The following NUP62 variants were observed in gnomAD, a reference collection of about 807,000 sequenced individuals.
NUP62 encodes the protein nuclear pore glycoprotein p62.
For synonymous variants in NUP62, 305 were observed against 303.4 expected, an observed-to-expected ratio of 1.01 and a Z score of -0.05; for missense variants, 647 against 689.4, an observed-to-expected ratio of 0.94 and a Z score of 0.69.
intron 2 of NUP62, among the ~76,000 whole-genome samples, chr19:49,920,452 C>T (rs1031610649): frequency 6.6e-6 from 1 of 152,172 alleles, no homozygotes; most frequent in African/African-American, 2.4e-5. Flanking sequence ...ACTCTGTCAA[C>T]GTACTAAAGC....
chr19:49,928,464 C>G (rs559448669), intron 1 of NUP62: 4 of 151,516 alleles, frequency 2.6e-5, no homozygotes, highest in African/African-American at 4.8e-5. Flanking sequence ...TTGCAGTGAG[C>G]CGAGATCGCG....
intron 2 of NUP62, among the ~76,000 whole-genome samples, chr19:49,924,182 GA>G: frequency 6.6e-6 from 1 of 152,318 alleles, no homozygotes; most frequent in Middle Eastern, 3.4e-3. Context: ...CAGCATGGTG[GA>G]GGCTGAGGTC....
chr19:49,926,599 A>G (rs968534207), intron 2 of NUP62, among the ~76,000 whole-genome samples: 2 of 152,208 alleles, frequency 1.3e-5, no homozygotes, highest in African/African-American at 2.4e-5. Flanking sequence ...GTAGGAAAAG[A>G]TTCTACCGGC....
chr19:49,916,472 T>C (rs923500378), intron 2 of NUP62, among the ~76,000 whole-genome samples: 1 of 150,198 alleles, frequency 6.7e-6, no homozygotes, highest in African/African-American at 2.5e-5. Flanking sequence ...TTTGTATCTC[T>C]ACTAAAAATA....
At position 49,909,313 on chromosome 19, in the gene NUP62, C is replaced by T. The variant is rs755550199; in HGVS notation, c.495G>A (p.Thr165=). 50 of 1,613,786 alleles carry T rather than the reference C, an allele frequency of 3.1e-5. No individual in the cohort carries two copies. Among genetic ancestry groups the T allele is most frequent in the Non-Finnish European group, 3.6e-5 (43 of 1,180,010 alleles). Residue 165 remains threonine (T), a synonymous_variant, in exon 3 of 3, where the codon ACG becomes ACA. Coordinates refer to ENST00000352066, the MANE Select transcript of NUP62 (RefSeq NM_016553.5). The part of the protein sequence containing the change: ...SGGFSFTGGS[T]AQPSGFNIGS... The stretch of plus-strand genomic sequence containing the variant: ...CAATGTTGAAACCGGAGGGTTGGGC[C>T]GTGCTTCCACCAGTGAATGAGAAGC...
rs1264187394 is a variant in NUP62 at position 49,909,215 on chromosome 19, G to T, written c.593C>A (p.Thr198Asn). The change falls in exon 3 of 3, where the codon ACC (threonine) becomes AAC (asparagine). Residue 198 changes from threonine (T) to asparagine (N), a missense_variant. Transcript: ENST00000352066. The part of the protein sequence containing the change: ...LPFTPATPAA[T>N]TAGATQPAAP... ...AGCTGGCTGTGTGGCACCTGCTGTG[G>T]TGGCTGCTGGCGTGGCCGGAGTGAA... 6.2e-7 allele frequency: 1 copy of T among 1,614,106 alleles called. No individual in the cohort carries two copies. Among genetic ancestry groups the T allele is most frequent in the African/African-American group, 1.3e-5 (1 of 75,046 alleles).
At chr19:49,924,029 T>C (rs1176916485) in intron 2 of NUP62, among the ~76,000 whole-genome samples, 2 of 152,062 alleles carry the variant, frequency 1.3e-5, no homozygotes, top group African/African-American at 4.8e-5. Flanking sequence ...GTTGCGGCAA[T>C]AGCAGGGCGA....
rs548441756 is a variant in NUP62 at position 49,909,155 on chromosome 19, C to T, written c.653G>A (p.Gly218Glu). 1.2e-6 allele frequency: 2 copies of T among 1,613,270 alleles called. No individual in the cohort carries two copies. Among genetic ancestry groups the T allele is most frequent in the Admixed American group, 1.7e-5 (1 of 60,000 alleles). ...PTPTATITSTGPSLFASIATA... is the reference protein window; with the variant it reads ...PTPTATITSTEPSLFASIATA... ...TGCTATTGACGCAAAGAGGCTGGGC[C>T]CAGTGCTGGTGATGGTGGCTGTGGG... The change falls in exon 3 of 3, where the codon GGG becomes GAG. Residue 218 changes from glycine (G) to glutamate (E), a missense_variant. Gly to Glu is a moderately conservative substitution (Grantham distance 98). Transcript: ENST00000352066.
rs2075334900 is a variant in NUP62 at position 49,906,988 on chromosome 19, C to T, written c.*1251G>A. 6.5e-6 allele frequency: 1 copy of T among 153,788 alleles called. No homozygotes were observed. Among genetic ancestry groups the T allele is most frequent in the African/African-American group, 2.4e-5 (1 of 41,452 alleles). 9.5% of individuals were successfully genotyped at this position (153,788 alleles called of 1,614,324 possible). ...TTTACTGTAACTGACTAGAGTTACTCTGGTGCCACTAAGTTCCGAGCCAAG... is the reference window on the plus strand; with the variant it reads ...TTTACTGTAACTGACTAGAGTTACTTTGGTGCCACTAAGTTCCGAGCCAAG... On this transcript the variant is annotated 3_prime_UTR_variant, in exon 3 of 3. Coordinates refer to ENST00000352066, the MANE Select transcript of NUP62 (RefSeq NM_016553.5).
chr19:49,914,192 G>C (rs56131457), intron 2 of NUP62, among the ~76,000 whole-genome samples: 1 of 152,202 alleles, frequency 6.6e-6, no homozygotes, highest in African/African-American at 2.4e-5. Flanking sequence ...TAGAACTTGG[G>C]AAGTTTCTCA....
At chr19:49,926,903 T>C (rs2075907065) in intron 2 of NUP62, among the ~76,000 whole-genome samples, 1 of 150,480 alleles carries the variant, frequency 6.6e-6, no homozygotes, top group African/African-American at 2.5e-5. Flanking sequence ...TCACCCAGGC[T>C]GCAGTGTGGT....
chr19:49,909,333 A>G lies in NUP62; in HGVS notation c.475T>C (p.Ser159Pro), dbSNP rs1241705265. Residue 159 changes from serine to proline, a missense_variant, in exon 3 of 3, where the codon TCA (serine) becomes CCA (proline). Physicochemically the swap from Ser to Pro is moderately conservative, Grantham distance 74 (BLOSUM62 -1). Coordinates refer to ENST00000352066, the MANE Select transcript of NUP62 (RefSeq NM_016553.5). Reference protein sequence around the residue: ...VAPATTSGGFSFTGGSTAQPS... With the variant: ...VAPATTSGGFPFTGGSTAQPS... Reference sequence around the variant, plus strand: ...TGGGCCGTGCTTCCACCAGTGAATGAGAAGCCTCCAGATGTGGTAGCTGGA... The same window carrying G: ...TGGGCCGTGCTTCCACCAGTGAATGGGAAGCCTCCAGATGTGGTAGCTGGA... 6.2e-7 allele frequency: 1 copy of G among 1,613,778 alleles called. No individual in the cohort carries two copies. Among genetic ancestry groups the G allele is most frequent in the Non-Finnish European group, 8.5e-7 (1 of 1,180,006 alleles).
chr19:49,914,667 C>CTCTACCAGGG (rs2075572227), intron 2 of NUP62, among the ~76,000 whole-genome samples: 2 of 149,742 alleles, frequency 1.3e-5, no homozygotes, highest in South Asian at 4.2e-4. Context: ...TCACCCCAGC[C>CTCTACCAGGG]TTCGGTCAGC....
chr19:49,924,887 C>A (rs948330172), intron 2 of NUP62, among the ~76,000 whole-genome samples: 1 of 152,166 alleles, frequency 6.6e-6, no homozygotes, highest in African/African-American at 2.4e-5. Flanking sequence ...GAAGCAGAGT[C>A]CCTGCCCAGA....
Position 49,921,980 on chromosome 19 carries a change from CCCAGG to C in NUP62, c.-78+5709_-78+5713del, listed in dbSNP as rs527802719. Among the ~76,000 whole-genome samples, 51 of 152,310 alleles carry C rather than the reference CCCAGG, an allele frequency of 3.3e-4. No individual in the cohort carries two copies. The highest frequency in any genetic ancestry group is 1.2e-3 in the South Asian group (6 of 4,834). On this transcript the variant is annotated intron_variant, in intron 2 of 2. Transcript: ENST00000352066. This position sits in a 1 kb window ranked among gnomAD's most constrained non-coding sequence, Gnocchi z 5.4. ...AGCCCCGACGGCAGGGCCCTAGGGC[CCCAGG>C]CCAGGCCACCACGACCACGAGGGAC...
chr19:49,927,406 A>G (rs1309660334), intron 2 of NUP62, among the ~76,000 whole-genome samples: 1 of 152,128 alleles, frequency 6.6e-6, no homozygotes, highest in Non-Finnish European at 1.5e-5. Context: ...AAAATCGCAA[A>G]AAATTCGCAT....
intron 2 of NUP62, among the ~76,000 whole-genome samples, chr19:49,915,729 C>T (rs1011785611): frequency 6.6e-6 from 1 of 152,166 alleles, no homozygotes; most frequent in African/African-American, 2.4e-5. Flanking sequence ...TGCATGGAGA[C>T]CAAGGCGGCT....
In NUP62 at chr19:49,914,726, G is replaced by GTTTTTTTTTT. The variant is rs530372497; in HGVS notation, c.-77-4852_-77-4843dup. ...GATTCTTGTGCCACTCCAAGTCCCA[G>GTTTTTTTTTT]TTTTTTTTTTTTTTTTTTTTTTTTT... On this transcript the variant is annotated intron_variant, in intron 2 of 2. Transcript: ENST00000352066. Among the ~76,000 whole-genome samples the GTTTTTTTTTT allele has an allele frequency of 5.9e-3, 334 of 56,384 alleles. 65 individuals carry two copies. Among genetic ancestry groups the GTTTTTTTTTT allele is most frequent in the Non-Finnish European group, 7.2e-3 (224 of 31,316 alleles). 37.0% of individuals were successfully genotyped at this position (56,384 alleles called of 152,430 possible). A position where few individuals can be genotyped will look rare whatever the true frequency, so the allele number is the denominator to read the frequency against.
chr19:49,913,830 C>A (rs1021266648), intron 2 of NUP62, among the ~76,000 whole-genome samples: 2 of 152,160 alleles, frequency 1.3e-5, no homozygotes, highest in African/African-American at 4.8e-5. Flanking sequence ...CAGACCCATA[C>A]ATACCATGCT....
Sources: allele counts gnomAD v4.1 joint callset (sites outside exome capture counted in the v4.1 genomes callset), GRCh38; gene constraint gnomAD v4.1.1; non-coding constraint Gnocchi (gnomAD v3.1); transcripts MANE v1.5; gene names NCBI Gene and HGNC (gene_info 2026-07-23, HGNC 2026-07-21).